EGLN2: variants seen among roughly 807,000 people sequenced by gnomAD.
EGLN2 encodes prolyl hydroxylase EGLN2.
In EGLN2, 15 loss-of-function variants were observed where a neutral mutation model predicts 38.2. The observed-to-expected ratio is 0.39, with a 90% CI of 0.26 to 0.60. The LOEUF is 0.60. Among genes scored for constraint, EGLN2 ranks in the 20% least tolerant of loss-of-function variants. EGLN2 has a pLI of 0.50. For synonymous variants in EGLN2, 284 were observed against 237.4 expected, an observed-to-expected ratio of 1.20 and a Z score of -1.81; for missense variants, 492 against 570.4, an observed-to-expected ratio of 0.86 and a Z score of 1.40.
At position 40,806,557 on chromosome 19, in the gene EGLN2, C is replaced by T. The variant is rs1281958417; in HGVS notation, c.846C>T (p.Ala282=). The part of the protein sequence containing the change: ...GSYVINGRTK[A]MVACYPGNGL... ...CTACCTCCCTCCATCCCTGCCAGGC[C>T]ATGGTGGCGTGTTACCCAGGCAACG... The change falls in exon 3 of 6, where the codon GCC becomes GCT. Residue 282 remains alanine, a splice_region_variant and synonymous_variant. Coordinates refer to ENST00000303961, the MANE Select transcript of EGLN2 (RefSeq NM_080732.4). 6.2e-7 allele frequency: 1 copy of T among 1,614,092 alleles called. No individual in the cohort carries two copies. The highest frequency in any genetic ancestry group is 2.2e-5 in the East Asian group (1 of 44,884).
intron 5 of EGLN2, 89 bp downstream of exon 5, chr19:40,807,640 A>G: frequency 2.0e-6 from 3 of 1,500,316 alleles, no homozygotes; most frequent in Non-Finnish European, 2.8e-6. Context: ...CCTCTTGTTA[A>G]ATCCCACCAC....
rs1203894142 is a variant in EGLN2 at position 40,802,000 on chromosome 19, C to G, written c.843+585C>G. Among the ~76,000 whole-genome samples, 3 of 152,104 alleles carry G rather than the reference C, an allele frequency of 2.0e-5. No homozygotes were observed. In the East Asian group the frequency reaches 5.8e-4, roughly 29 times the overall value. ...GGGTTCATGGCCTCCTGGTGTCAGT[C>G]TGTGGCCCCAGACCAAGCACGGGGA... On this transcript the variant is annotated intron_variant, in intron 2 of 5. Coordinates refer to ENST00000303961, the MANE Select transcript of EGLN2 (RefSeq NM_080732.4).
intron 3 of EGLN2, 47 bp from the exon 4 acceptor site, chr19:40,807,064 GGGCTCCCGGGGCACCGTGGGAGGCAGC>G: frequency 1.3e-6 from 2 of 1,593,332 alleles, no homozygotes; most frequent in Non-Finnish European, 1.7e-6. Context: ...GCCTCCTAGT[GGGCTCCCGGGGCACCGTGGGAGGCAGC>G]GGCTCCTGGC....
chr19:40,803,547 T>G (rs2083278907), intron 2 of EGLN2, among the ~76,000 whole-genome samples: 1 of 151,986 alleles, frequency 6.6e-6, no homozygotes, highest in Non-Finnish European at 1.5e-5. Context: ...GGTGCTCAGG[T>G]GGGCTGCAGC....
rs1599762765 is a variant in EGLN2 at position 40,806,324 on chromosome 19, G to A, written c.844-231G>A. 13 of 717,126 alleles carry A rather than the reference G, an allele frequency of 1.8e-5. 1 individual carries two copies. In the South Asian group the frequency reaches 2.6e-4, roughly 14 times the overall value. The allele number at this position is 717,126 out of a possible 1,614,324, so 44.4% of individuals were successfully genotyped here. A position where few individuals can be genotyped will look rare whatever the true frequency, so the allele number is the denominator to read the frequency against. On this transcript the variant is annotated intron_variant, in intron 2 of 5. Transcript: ENST00000303961. ...TGGGTGCCAGGCCCCAGGTATGTGT[G>A]TTGGGAGGGAGTGGGCTCTTGAGGC...
At chr19:40,802,541 C>G (rs1026621179) in intron 2 of EGLN2, among the ~76,000 whole-genome samples, 12 of 152,364 alleles carry the variant, frequency 7.9e-5, no homozygotes, top group African/African-American at 2.9e-4. Context: ...TTTTGAGAAT[C>G]TGTCAGAGGC....
In EGLN2 at chr19:40,807,467, A is replaced by T. The variant is rs551165982; in HGVS notation, c.1101-17A>T. 3.9e-5 allele frequency: 63 copies of T among 1,613,952 alleles called. No homozygotes were observed. In the South Asian group the frequency reaches 6.7e-4, roughly 17 times the overall value. On this transcript the variant is annotated splice_polypyrimidine_tract_variant and intron_variant, in intron 4 of 5. Coordinates refer to ENST00000303961, the MANE Select transcript of EGLN2 (RefSeq NM_080732.4). ...TGGAATTGCAGAAAACTAATGTCCAACCACCCTGGTCTCCAGGTACGCCAT... is the reference window on the plus strand; with the variant it reads ...TGGAATTGCAGAAAACTAATGTCCATCCACCCTGGTCTCCAGGTACGCCAT...
intron 1 of EGLN2, chr19:40,800,005 C>G (rs530978181): frequency 1.3e-5 from 2 of 152,176 alleles, no homozygotes; most frequent in East Asian, 3.9e-4. Flanking sequence ...CCTCCTTTCC[C>G]ACTCCTCCAC....
chr19:40,800,868 T>C lies in EGLN2; in HGVS notation c.296T>C (p.Leu99Pro). The C allele has an allele frequency of 6.2e-7, 1 of 1,612,176 alleles. No homozygotes were observed. The highest frequency in any genetic ancestry group is 8.5e-7 in the Non-Finnish European group (1 of 1,179,538). The change falls in exon 2 of 6, where the codon CTG (leucine) becomes CCG (proline). Residue 99 changes from leucine to proline, a missense_variant. By Grantham distance (98) the Leu-to-Pro change is moderately conservative. Coordinates refer to ENST00000303961, the MANE Select transcript of EGLN2 (RefSeq NM_080732.4). ...CTGCAGAGTGAAGGCGCTGCAGCGCTGGTCACCAAGGGGTGCCAGCGATTG... is the reference window on the plus strand; with the variant it reads ...CTGCAGAGTGAAGGCGCTGCAGCGCCGGTCACCAAGGGGTGCCAGCGATTG... ...RPLQSEGAAA[L>P]VTKGCQRLAA...
Position 40,808,095 on chromosome 19 carries a change from C to T in EGLN2, c.*231C>T, listed in dbSNP as rs966060484. 7 of 589,776 alleles carry T rather than the reference C, an allele frequency of 1.2e-5. No homozygotes were observed. Among genetic ancestry groups the T allele is most frequent in the South Asian group, 2.1e-5 (1 of 48,468 alleles). 36.5% of individuals were successfully genotyped at this position (589,776 alleles called of 1,614,324 possible). On this transcript the variant is annotated 3_prime_UTR_variant, in exon 6 of 6. Coordinates refer to ENST00000303961, the MANE Select transcript of EGLN2 (RefSeq NM_080732.4). Reference sequence around the variant, plus strand: ...GACAGGGGGCAGCCGTGGAGGCCACCGTTACCAACTGAAGCTGGGGGCCTG... The same window carrying T: ...GACAGGGGGCAGCCGTGGAGGCCACTGTTACCAACTGAAGCTGGGGGCCTG...
At chr19:40,802,369 C>T (rs1248789065) in intron 2 of EGLN2, among the ~76,000 whole-genome samples, 1 of 152,154 alleles carries the variant, frequency 6.6e-6, no homozygotes, top group African/African-American at 2.4e-5. Context: ...TGTCTCCCAC[C>T]CTTCACTGTC....
rs760499657 is a variant in EGLN2, at chr19:40,800,582, C to T, written c.10C>T (p.Pro4Ser). The change falls in exon 2 of 6, where the codon CCG becomes TCG. Residue 4 changes from proline (P) to serine (S), a missense_variant. Coordinates refer to ENST00000303961, the MANE Select transcript of EGLN2 (RefSeq NM_080732.4). MDS[P>S]CQPQPLSQAL... is the part of the protein sequence containing the mutation. ...TGAAGACACTGCTGCCATGGACAGC[C>T]CGTGCCAGCCGCAGCCCCTAAGTCA... 1.9e-6 allele frequency: 3 copies of T among 1,600,884 alleles called. No individual in the cohort carries two copies. Among genetic ancestry groups the T allele is most frequent in the East Asian group, 4.5e-5 (2 of 44,530 alleles).
At chr19:40,802,699 A>G (rs2083271423) in intron 2 of EGLN2, among the ~76,000 whole-genome samples, 1 of 152,196 alleles carries the variant, frequency 6.6e-6, no homozygotes, top group African/African-American at 2.4e-5. Flanking sequence ...CGGGCTGCTG[A>G]CAGGATCATT....
Position 40,800,727 on chromosome 19 carries a change from G to A in EGLN2, c.155G>A (p.Gly52Glu). Reference protein sequence around the residue: ...CPLLPSYHCPGVPSEASAGSG... With the variant: ...CPLLPSYHCPEVPSEASAGSG... ...CTGCTCCCCTCCTACCACTGTCCAG[G>A]AGTGCCTAGTGAGGCCTCGGCAGGG... The change falls in exon 2 of 6, where the codon GGA (glycine) becomes GAA (glutamate). Residue 52 changes from glycine (G) to glutamate (E), a missense_variant. Coordinates refer to ENST00000303961, the MANE Select transcript of EGLN2 (RefSeq NM_080732.4). The A allele has an allele frequency of 6.2e-7, 1 of 1,614,026 alleles. No individual in the cohort carries two copies. Among genetic ancestry groups the A allele is most frequent in the Non-Finnish European group, 8.5e-7 (1 of 1,179,982 alleles).
chr19:40,806,688 T>C lies in EGLN2; in HGVS notation c.963+14T>C, dbSNP rs1390409998. The C allele has an allele frequency of 6.8e-6, 11 of 1,611,776 alleles. No individual in the cohort carries two copies. The Admixed American group carries it at 1.2e-4, about 17-fold the overall frequency. On this transcript the variant is annotated intron_variant, in intron 3 of 5. Coordinates refer to ENST00000303961, the MANE Select transcript of EGLN2 (RefSeq NM_080732.4). ...TGGGACGTTAAGGTAGGGGTGAGGGTGAGGGTGAGGGTGGCGCTGGGGCTA... is the reference window on the plus strand; with the variant it reads ...TGGGACGTTAAGGTAGGGGTGAGGGCGAGGGTGAGGGTGGCGCTGGGGCTA...
intron 2 of EGLN2, 102 bp from the exon 3 acceptor site, chr19:40,806,452 GA>G: frequency 6.4e-7 from 1 of 1,560,818 alleles, no homozygotes; most frequent in East Asian, 2.3e-5. Flanking sequence ...GAGTCATGGG[GA>G]AGATGGGGCA....
chr19:40,800,468 T>C lies in EGLN2; in HGVS notation c.-105T>C. 7.0e-7 allele frequency: 1 copy of C among 1,435,696 alleles called. No homozygotes were observed. Among genetic ancestry groups the C allele is most frequent in the Non-Finnish European group, 9.1e-7 (1 of 1,093,546 alleles). The allele number at this position is 1,435,696 out of a possible 1,614,324, so 88.9% of individuals were successfully genotyped here. On this transcript the variant is annotated 5_prime_UTR_variant, in exon 2 of 6. Transcript: ENST00000303961. ...TCACCCTGCCCCACGCCAGGCCCGG[T>C]GGCCCCCAGCTGCATCAAGTGGAGG...
chr19:40,800,923 C>G lies in EGLN2; in HGVS notation c.351C>G (p.Pro117=), dbSNP rs1439722056. 2 of 1,609,808 alleles carry G rather than the reference C, an allele frequency of 1.2e-6. No individual in the cohort carries two copies. Among genetic ancestry groups the G allele is most frequent in the East Asian group, 4.5e-5 (2 of 44,790 alleles). ...CCCAGGGCGCACGGCCTGAGGCCCCCAAACGGAAATGGGCCGAGGATGGTG... is the reference window on the plus strand; with the variant it reads ...CCCAGGGCGCACGGCCTGAGGCCCCGAAACGGAAATGGGCCGAGGATGGTG... ...LAAQGARPEA[P]KRKWAEDGGD... Residue 117 remains proline (P), a synonymous_variant, in exon 2 of 6, where the codon CCC becomes CCG. Coordinates refer to ENST00000303961, the MANE Select transcript of EGLN2 (RefSeq NM_080732.4).
rs1357550396 is a variant in EGLN2 at position 40,799,256 on chromosome 19, A to G, written c.-241A>G. Reference sequence around the variant, plus strand: ...ACGGCGGCGCCGGGGCCGGAGGAAAAAGCTCGGTGAGGAGGTCGCGGGGCG... The same window carrying G: ...ACGGCGGCGCCGGGGCCGGAGGAAAGAGCTCGGTGAGGAGGTCGCGGGGCG... On this transcript the variant is annotated 5_prime_UTR_variant, in exon 1 of 6. Transcript: ENST00000303961. 6.7e-6 allele frequency: 1 copy of G among 148,522 alleles called. No homozygotes were observed. The highest frequency in any genetic ancestry group is 1.5e-5 in the Non-Finnish European group (1 of 66,874). The allele number at this position is 148,522 out of a possible 1,614,324, so 9.2% of individuals were successfully genotyped here. A position where few individuals can be genotyped will look rare whatever the true frequency, so the allele number is the denominator to read the frequency against.
Sources: allele counts gnomAD v4.1 joint callset (sites outside exome capture counted in the v4.1 genomes callset), GRCh38; gene constraint gnomAD v4.1.1; transcripts MANE v1.5; gene names NCBI Gene and HGNC (gene_info 2026-07-23, HGNC 2026-07-21).